Variants in DOCK2 observed in about 807,000 individuals in gnomAD.
DOCK2 encodes dedicator of cytokinesis 2.
Under a neutral mutation model 248.9 loss-of-function variants are expected in DOCK2, and 87 were observed. That is an observed-to-expected ratio of 0.35 (90% confidence interval 0.29 to 0.42). The LOEUF (loss-of-function observed/expected upper bound fraction) is 0.42, where lower values mean the gene tolerates loss of function less well. Among genes scored for constraint, DOCK2 ranks in the 10% least tolerant of loss-of-function variants. DOCK2 has a pLI of 1.00. For synonymous variants in DOCK2, 805 were observed against 821.6 expected, an observed-to-expected ratio of 0.98 and a Z score of 0.35; for missense variants, 1,747 against 2,300.2, an observed-to-expected ratio of 0.76 and a Z score of 4.92.
rs779591987 is a variant in DOCK2 at position 169,714,029 on chromosome 5, G to T, written c.1661G>T (p.Gly554Val). 1 of 1,592,674 alleles carries T rather than the reference G, an allele frequency of 6.3e-7. No homozygotes were observed. Among genetic ancestry groups the T allele is most frequent in the Admixed American group, 1.7e-5 (1 of 58,844 alleles). ...GCAGTAACCAAGTGTTGTTTCCAGG[G>T]GGACAGCAAGAAGATGGAGGATGCC... is the stretch of plus-strand genomic sequence containing the variant. ...DGFHDLVVLKGDSKKMEDASA... is the reference protein window; with the variant it reads ...DGFHDLVVLKVDSKKMEDASA... Residue 554 changes from glycine to valine, a missense_variant and splice_region_variant, in exon 18 of 52, where the codon GGG becomes GTG. Coordinates refer to ENST00000520908, the MANE Select transcript of DOCK2 (RefSeq NM_004946.3).
intron 8 of DOCK2, among the ~76,000 whole-genome samples, chr5:169,687,542 T>C (rs1162356127): frequency 6.6e-6 from 1 of 152,236 alleles, no homozygotes. Context: ...TTAGGCTAAC[T>C]TGATTTTTGA....
chr5:169,803,187 T>C lies in DOCK2; in HGVS notation c.2684T>C (p.Val895Ala). ...CVELLNSILE[V>A]LSYQDAAFTY... Reference sequence around the variant, plus strand: ...GAATTGCTCAACAGCATCTTGGAAGTCCTTAGCTACCAGGATGCGGTGAGT... The same window carrying C: ...GAATTGCTCAACAGCATCTTGGAAGCCCTTAGCTACCAGGATGCGGTGAGT... The change falls in exon 26 of 52, where the codon GTC (valine) becomes GCC (alanine). Residue 895 changes from valine (V) to alanine (A), a missense_variant. Transcript: ENST00000520908. 6.2e-7 allele frequency: 1 copy of C among 1,613,644 alleles called. No individual in the cohort carries two copies. The highest frequency in any genetic ancestry group is 8.5e-7 in the Non-Finnish European group (1 of 1,179,792).
intron 39 of DOCK2, among the ~76,000 whole-genome samples, chr5:170,046,539 C>T (rs1756718290): frequency 6.6e-6 from 1 of 152,182 alleles, no homozygotes; most frequent in Non-Finnish European, 1.5e-5. Flanking sequence ...TTAGAGAGGC[C>T]AGGCCAGCGA....
At chr5:169,897,935 G>A (rs1773707890) in intron 27 of DOCK2, among the ~76,000 whole-genome samples, 1 of 152,160 alleles carries the variant, frequency 6.6e-6, no homozygotes, top group Non-Finnish European at 1.5e-5. Context: ...TTCCTACAAA[G>A]CTGCTCCCCT....
intron 25 of DOCK2, among the ~76,000 whole-genome samples, chr5:169,795,724 C>T (rs952644432): frequency 6.6e-6 from 1 of 152,062 alleles, no homozygotes; most frequent in African/African-American, 2.4e-5. Flanking sequence ...TTGATCCAAC[C>T]AAGTGGCTTT....
chr5:169,688,918 C>T (rs968982311), intron 8 of DOCK2, among the ~76,000 whole-genome samples: 1 of 152,120 alleles, frequency 6.6e-6, no homozygotes, highest in Non-Finnish European at 1.5e-5. Flanking sequence ...AAGTCCTTTC[C>T]CCTCTCATCT....
At chr5:169,787,343 C>G (rs181531974) in intron 25 of DOCK2, among the ~76,000 whole-genome samples, 44 of 152,290 alleles carry the variant, frequency 2.9e-4, no homozygotes, top group Middle Eastern at 6.8e-3. Flanking sequence ...CTAGCAGAGT[C>G]TTTGAGGGAA....
intron 27 of DOCK2, among the ~76,000 whole-genome samples, chr5:169,941,524 G>A (rs752092768): frequency 1.3e-5 from 2 of 152,198 alleles, no homozygotes. Flanking sequence ...CTGTTGGAAG[G>A]CCTGTGGGCT....
intron 25 of DOCK2, among the ~76,000 whole-genome samples, chr5:169,772,695 A>T (rs1274668812): frequency 1.3e-5 from 2 of 152,196 alleles, no homozygotes; most frequent in Non-Finnish European, 2.9e-5. Context: ...AATAATTCTG[A>T]ATCTTTTTCA....
At chr5:169,722,172 A>C (rs1762244495) in intron 22 of DOCK2, among the ~76,000 whole-genome samples, 1 of 152,230 alleles carries the variant, frequency 6.6e-6, no homozygotes, top group African/African-American at 2.4e-5. Context: ...ATCTTCTACG[A>C]TTCAGCTTCT....
chr5:169,886,674 A>G (rs1772989217), intron 27 of DOCK2, among the ~76,000 whole-genome samples: 1 of 152,254 alleles, frequency 6.6e-6, no homozygotes, highest in African/African-American at 2.4e-5. Context: ...TAAGCAGTTG[A>G]AATTTGTGAG....
chr5:169,836,807 T>C (rs1005238691), intron 26 of DOCK2, among the ~76,000 whole-genome samples: 2 of 152,206 alleles, frequency 1.3e-5, no homozygotes, highest in Non-Finnish European at 2.9e-5. Context: ...ATTTCTCTAC[T>C]TGGTATCATG....
intron 14 of DOCK2, among the ~76,000 whole-genome samples, chr5:169,707,201 A>C (rs1352100998): frequency 2.0e-5 from 3 of 152,180 alleles, no homozygotes; most frequent in Non-Finnish European, 4.4e-5. Flanking sequence ...AGAAGTAGGC[A>C]TTGTTGTATG....
intron 29 of DOCK2, among the ~76,000 whole-genome samples, chr5:169,987,731 AT>A (rs1458274586): frequency 3.3e-5 from 5 of 152,368 alleles, no homozygotes; most frequent in South Asian, 4.1e-4. Context: ...GAAAATTAGA[AT>A]GTAATTTCCT....
chr5:169,644,061 C>T (rs1757308126), intron 1 of DOCK2, among the ~76,000 whole-genome samples: 1 of 152,070 alleles, frequency 6.6e-6, no homozygotes, highest in African/African-American at 2.4e-5. Flanking sequence ...TGTGGGAGGC[C>T]AGTGTGGCTG....
At chr5:169,679,173 G>A (rs894635223) in intron 6 of DOCK2, among the ~76,000 whole-genome samples, 2 of 152,092 alleles carry the variant, frequency 1.3e-5, no homozygotes, top group African/African-American at 4.8e-5. Context: ...CCGAGGAGCT[G>A]GAACTACAGG....
chr5:169,758,214 C>G (rs1053327888), intron 23 of DOCK2, among the ~76,000 whole-genome samples: 3 of 152,134 alleles, frequency 2.0e-5, no homozygotes, highest in Non-Finnish European at 4.4e-5. Context: ...GGCAGGATGC[C>G]ACTGGTGTGC....
At chr5:169,756,584 C>T (rs1197766130) in intron 23 of DOCK2, among the ~76,000 whole-genome samples, 3 of 152,006 alleles carry the variant, frequency 2.0e-5, no homozygotes, top group Non-Finnish European at 2.9e-5. Context: ...GCCCTGAGGG[C>T]TGTATGTTCT....
chr5:169,650,087 C>T (rs967677215), intron 1 of DOCK2, among the ~76,000 whole-genome samples: 1 of 152,098 alleles, frequency 6.6e-6, no homozygotes, highest in Non-Finnish European at 1.5e-5. Flanking sequence ...CGTGAGCCGC[C>T]GCACCTGGCA....
Sources: allele counts gnomAD v4.1 joint callset (sites outside exome capture counted in the v4.1 genomes callset), GRCh38; gene constraint gnomAD v4.1.1; transcripts MANE v1.5; gene names NCBI Gene and HGNC (gene_info 2026-07-23, HGNC 2026-07-21).